The following MACF1 variants were observed in gnomAD, a reference collection of about 807,000 sequenced individuals.
The protein encoded by MACF1 is microtubule-actin cross-linking factor 1.
A neutral mutation model predicts 854.8 loss-of-function variants in MACF1; 193 were observed. The observed-to-expected ratio is 0.23, with a 90% CI of 0.20 to 0.25. The LOEUF (loss-of-function observed/expected upper bound fraction) is 0.25, where lower values mean the gene tolerates loss of function less well. MACF1 is among the 10% of genes least tolerant of loss of function. The pLI, the probability that MACF1 is intolerant of heterozygous loss-of-function variation, is 1.00. For missense variants in MACF1, 7,722 were observed against 8,929.1 expected, an observed-to-expected ratio of 0.86 and a Z score of 5.45; for synonymous variants, 3,185 against 3,226.7, an observed-to-expected ratio of 0.99 and a Z score of 0.44.
intron 2 of MACF1, among the ~76,000 whole-genome samples, chr1:39,102,314 A>T (rs1172033847): frequency 6.6e-6 from 1 of 152,212 alleles, no homozygotes; most frequent in Non-Finnish European, 1.5e-5. Flanking sequence ...GGTGAATTAG[A>T]CGACAAACAG....
chr1:39,241,530 C>T, intron 2 of MACF1, among the ~76,000 whole-genome samples: 1 of 151,896 alleles, frequency 6.6e-6, no homozygotes, highest in East Asian at 1.9e-4. Flanking sequence ...TGTGGTGATG[C>T]ATGCCTGTAA....
At chr1:39,197,738 A>G (rs1267330944) in intron 2 of MACF1, among the ~76,000 whole-genome samples, 1 of 152,108 alleles carries the variant, frequency 6.6e-6, no homozygotes, top group African/African-American at 2.4e-5. Flanking sequence ...TTAAAAAATT[A>G]TAGCCAGCAT....
At position 39,409,698 on chromosome 1, in the gene MACF1, C is replaced by T. The variant is rs999179395; in HGVS notation, c.15817-12676C>T. ...TGTTTAAAGTTGCAGGAATATCCGC[C>T]GACCAGCCCAGTTCAAATGCAAACA... On this transcript the variant is annotated intron_variant, in intron 58 of 100. Coordinates refer to ENST00000564288, the MANE Select transcript of MACF1 (RefSeq NM_001394062.1). The surrounding 1 kb of genome is among the most constrained non-coding windows in gnomAD (Gnocchi z 4.2). The T allele has an allele frequency of 6.6e-6, 1 of 152,392 alleles. No individual in the cohort carries two copies. The highest frequency in any genetic ancestry group is 2.4e-5 in the African/African-American group (1 of 41,466). The allele number at this position is 152,392 out of a possible 1,614,324, so 9.4% of individuals were successfully genotyped here.
chr1:39,200,469 C>G (rs1644375521), upstream of MACF1, among the ~76,000 whole-genome samples: 1 of 151,444 alleles, frequency 6.6e-6, no homozygotes, highest in Non-Finnish European at 1.5e-5. Flanking sequence ...GAGGCCGAGG[C>G]AGGTGGATCA....
chr1:39,451,017 C>A (rs776219664), intron 84 of MACF1, 35 bp from the exon 85 acceptor site: 3 of 1,601,996 alleles, frequency 1.9e-6, no homozygotes, highest in South Asian at 1.1e-5. Context: ...TAAAAGGAAT[C>A]CCTAAAAATG....
chr1:39,280,520 A>G (rs1376776910), intron 6 of MACF1, among the ~76,000 whole-genome samples: 1 of 152,102 alleles, frequency 6.6e-6, no homozygotes, highest in Non-Finnish European at 1.5e-5. Context: ...AGTCTAGGGG[A>G]GATAAGATTA....
At chr1:39,151,930 A>G (rs966718848) in intron 2 of MACF1, among the ~76,000 whole-genome samples, 37 of 152,096 alleles carry the variant, frequency 2.4e-4, no homozygotes, top group African/African-American at 8.7e-4. Flanking sequence ...CAGTACTGGG[A>G]TCAGGATTCA....
chr1:39,318,217 A>G (rs1190622687), intron 29 of MACF1, among the ~76,000 whole-genome samples: 1 of 152,136 alleles, frequency 6.6e-6, no homozygotes, highest in Non-Finnish European at 1.5e-5. Flanking sequence ...ATGCTAGACC[A>G]CAAGGCAGCA....
At position 39,459,263 on chromosome 1, in the gene MACF1, G is replaced by A. The variant is rs377323323; in HGVS notation, c.21360+14G>A. 23 of 1,601,406 alleles carry A rather than the reference G, an allele frequency of 1.4e-5. No individual in the cohort carries two copies. The African/African-American group carries it at 3.0e-4, about 21-fold the overall frequency. Reference sequence around the variant, plus strand: ...CGGCTGGAGGAGGTAATGCCCTGCTGAGTGGCCTTCCCTGAAACAAAGTGC... The same window carrying A: ...CGGCTGGAGGAGGTAATGCCCTGCTAAGTGGCCTTCCCTGAAACAAAGTGC... On this transcript the variant is annotated intron_variant, in intron 91 of 100. Coordinates refer to ENST00000564288, the MANE Select transcript of MACF1 (RefSeq NM_001394062.1).
At chr1:39,278,826 A>G (rs1173146200) in intron 6 of MACF1, among the ~76,000 whole-genome samples, 1 of 152,186 alleles carries the variant, frequency 6.6e-6, no homozygotes, top group Non-Finnish European at 1.5e-5. Context: ...CTGCAGCTCC[A>G]TAGCTTCTCT....
rs1226232983 is a variant in MACF1 at position 39,387,302 on chromosome 1, C to G, written c.14460C>G (p.Cys4820Trp). The change falls in exon 58 of 101, where the codon TGC (cysteine) becomes TGG (tryptophan). Residue 4820 changes from cysteine (C) to tryptophan (W), a missense_variant. This residue lies in a region of MACF1 where 2,807 missense variants were observed against 3,235.8 expected (regional missense o/e 0.87). Transcript: ENST00000564288. ...AACAAAGCCAGCAAGCAAAAAACTG[C>G]CCAATTTCTGCAAAATTGGAGCGGC... ...DDKQSQQAKN[C>W]PISAKLERLQ... 1 of 1,614,212 alleles carries G rather than the reference C, an allele frequency of 6.2e-7. No homozygotes were observed. The highest frequency in any genetic ancestry group is 1.1e-5 in the South Asian group (1 of 91,086).
In MACF1 at chr1:39,368,067, G is replaced by A. The variant is rs140695024; in HGVS notation, c.12772-81G>A. On this transcript the variant is annotated intron_variant, in intron 49 of 100. Transcript: ENST00000564288. ...TTTGATCTAGCATTTGACCTGGCAA[G>A]CATACCTCTTTCCTTATTCCTTTTT... is the stretch of plus-strand genomic sequence containing the variant. The A allele has an allele frequency of 3.0e-4, 341 of 1,138,274 alleles. 2 individuals are homozygous for A. In the African/African-American group the frequency reaches 4.6e-3, roughly 15 times the overall value. The allele number at this position is 1,138,274 out of a possible 1,614,324, so 70.5% of individuals were successfully genotyped here.
intron 6 of MACF1, chr1:39,269,710 G>T: frequency 7.8e-7 from 1 of 1,289,158 alleles, no homozygotes; most frequent in South Asian, 1.2e-5. Flanking sequence ...CCATCATGGG[G>T]TCTGGAAGAG....
chr1:39,430,248 G>A (rs2148649945), intron 65 of MACF1, among the ~76,000 whole-genome samples, 180 bp downstream of exon 65: 1 of 152,138 alleles, frequency 6.6e-6, no homozygotes, highest in South Asian at 2.1e-4. Context: ...GAAGAAGAAA[G>A]AAGTTGAATC....
At chr1:39,191,890 C>G (rs531535229) in intron 2 of MACF1, among the ~76,000 whole-genome samples, 1 of 152,224 alleles carries the variant, frequency 6.6e-6, no homozygotes, top group South Asian at 2.1e-4. Context: ...GGGCCAGGCA[C>G]GGTGGCTCCC....
At chr1:39,141,094 C>T (rs1011154798) in intron 2 of MACF1, among the ~76,000 whole-genome samples, 1 of 152,096 alleles carries the variant, frequency 6.6e-6, no homozygotes, top group African/African-American at 2.4e-5. Flanking sequence ...AGTTAGGTTT[C>T]ACAATTTGCT....
Position 39,361,573 on chromosome 1 carries a change from C to G in MACF1, c.12667C>G (p.His4223Asp), listed in dbSNP as rs760984985. 5 of 1,614,194 alleles carry G rather than the reference C, an allele frequency of 3.1e-6. No individual in the cohort carries two copies. The change falls in exon 49 of 101, where the codon CAC (histidine) becomes GAC (aspartate). Residue 4223 changes from histidine (H) to aspartate (D), a missense_variant. Physicochemically the swap from His to Asp is moderately conservative, Grantham distance 81. Transcript: ENST00000564288. Reference sequence around the variant, plus strand: ...TCTACCCCAGGCAGAGATGTTTGAACACCTCTCTGGTAAGCTGCAGCAGTT... The same window carrying G: ...TCTACCCCAGGCAGAGATGTTTGAAGACCTCTCTGGTAAGCTGCAGCAGTT... ...KLLPQAEMFEHLSGKLQQFME... is the reference protein window; with the variant it reads ...KLLPQAEMFEDLSGKLQQFME...
rs761778045 is a variant in MACF1, at chr1:39,334,493, A to G, written c.7905A>G (p.Lys2635=). 3.1e-6 allele frequency: 5 copies of G among 1,614,168 alleles called. No homozygotes were observed. In the Admixed American group the frequency reaches 5.0e-5, roughly 16 times the overall value. Residue 2635 remains lysine, a synonymous_variant, in exon 37 of 101, where the codon AAA becomes AAG. Transcript: ENST00000564288. Reference sequence around the variant, plus strand: ...TCCCCTACTCAGAATTAGTCAAGAAATGTAAGATTGATATTGAATCTGGAC... The same window carrying G: ...TCCCCTACTCAGAATTAGTCAAGAAGTGTAAGATTGATATTGAATCTGGAC... ...RIVPYSELVK[K]CKIDIESGQR... is the part of the protein sequence containing the mutation.
At position 39,105,832 on chromosome 1, in the gene MACF1, G is replaced by A. The variant is rs1019629062; in HGVS notation, c.220+21394G>A. On this transcript the variant is annotated intron_variant, in intron 2 of 93. Coordinates refer to the MACF1 transcript ENST00000361689. The surrounding 1 kb of genome is among the most constrained non-coding windows in gnomAD (Gnocchi z 5.9). ...GGCCGGGCGGGGTCGCACCCACCGC[G>A]CGGGGCTTGGCCCTGAGCTGCTGCT... The A allele has an allele frequency of 1.2e-6, 1 of 832,342 alleles. No individual in the cohort carries two copies. Among genetic ancestry groups the A allele is most frequent in the Non-Finnish European group, 1.5e-6 (1 of 689,338 alleles). 51.6% of individuals were successfully genotyped at this position (832,342 alleles called of 1,614,324 possible). A position where few individuals can be genotyped will look rare whatever the true frequency, so the allele number is the denominator to read the frequency against.
Sources: gnomAD v4.1 joint callset for allele counts (sites outside exome capture counted in the v4.1 genomes callset) on GRCh38, gnomAD v4.1.1 for gene constraint, gnomAD v4.1.1 regional missense constraint, Gnocchi (gnomAD v3.1) non-coding constraint, MANE v1.5 for transcripts, NCBI Gene and HGNC (gene_info 2026-07-23, HGNC 2026-07-21) for gene names.